The following TCEA1 variants were observed in gnomAD, a reference collection of about 807,000 sequenced individuals.
The protein encoded by TCEA1 is transcription elongation factor A1.
Under a neutral mutation model 43.8 loss-of-function variants are expected in TCEA1, and 21 were observed. The ratio of observed to expected loss-of-function variants is 0.48; its 90% CI spans 0.34 to 0.69. TCEA1 has a LOEUF of 0.69. Ranked by LOEUF, TCEA1 falls within the 30% of genes least tolerant of loss-of-function variation. TCEA1 has a pLI of 0.01. For missense variants in TCEA1, 250 were observed against 365.1 expected (o/e 0.68, Z 2.57); for synonymous variants, 104 against 117.5 (o/e 0.88, Z 0.75).
rs1047179936 is a variant in TCEA1, at chr8:53,987,023, C to A, written c.469G>T (p.Asp157Tyr). The change falls in exon 6 of 10, where the codon GAC (aspartate) becomes TAC (tyrosine). Residue 157 changes from aspartate to tyrosine, a missense_variant and splice_region_variant. Asp to Tyr is a radical substitution (Grantham distance 160). Coordinates refer to ENST00000521604, the MANE Select transcript of TCEA1 (RefSeq NM_006756.4). ...TCATCAGCTCCAATTGCAATGTAGT[C>A]ATCTAAAAATAGGCATAAAGAATTG... is the stretch of plus-strand genomic sequence containing the variant. ...MLAAALRTGD[D>Y]YIAIGADEEE... is the part of the protein sequence containing the mutation. 1.9e-6 allele frequency: 3 copies of A among 1,594,916 alleles called. No homozygotes were observed. The highest frequency in any genetic ancestry group is 1.7e-6 in the Non-Finnish European group (2 of 1,171,676).
At chr8:53,984,693 C>A (rs1197603656) in intron 6 of TCEA1, among the ~76,000 whole-genome samples, 176 bp from the exon 7 acceptor site, 1 of 151,866 alleles carries the variant, frequency 6.6e-6, no homozygotes, top group African/African-American at 2.4e-5. Context: ...ACCATCCCGG[C>A]TAACATGATG....
Position 53,970,571 on chromosome 8 carries a change from A to C in TCEA1, c.826-108T>G. ...ATTTAATAAATATAATGGTACCACA[A>C]TAAAATGAATAGAAGTCTGAAACAA... On this transcript the variant is annotated intron_variant, in intron 8 of 9. Transcript: ENST00000521604. 1.0e-5 allele frequency: 6 copies of C among 594,508 alleles called. No individual in the cohort carries two copies. In the South Asian group the frequency reaches 1.5e-4, roughly 15 times the overall value. 36.8% of individuals were successfully genotyped at this position (594,508 alleles called of 1,614,324 possible).
intron 1 of TCEA1, among the ~76,000 whole-genome samples, chr8:54,019,193 A>G (rs1483091208): frequency 1.3e-5 from 2 of 152,244 alleles, no homozygotes; most frequent in Non-Finnish European, 2.9e-5. Flanking sequence ...GTAAAGCAGC[A>G]GCATGTTAAA....
At chr8:54,021,872 C>A in intron 1 of TCEA1, 191 bp downstream of exon 1, 1 of 434,560 alleles carries the variant, frequency 2.3e-6, no homozygotes, top group Non-Finnish European at 4.0e-6. Context: ...GCGAGCGGGT[C>A]CTAACGCAGG....
At chr8:53,995,294 CAAAAAAAAAAAAAAA>C (rs925755044) in intron 3 of TCEA1, among the ~76,000 whole-genome samples, 1 of 57,932 alleles carries the variant, frequency 1.7e-5, no homozygotes. Flanking sequence ...GACTCTGTCT[CAAAAAAAAAAAAAAA>C]AAAAAAGAAA....
At chr8:54,013,080 A>G (rs965533071) in intron 1 of TCEA1, among the ~76,000 whole-genome samples, 1 of 152,172 alleles carries the variant, frequency 6.6e-6, no homozygotes, top group Non-Finnish European at 1.5e-5. Flanking sequence ...ATCTCTTAAT[A>G]AGGGTAAAGA....
rs1357483519 is a variant in TCEA1, at chr8:53,967,767, C to T, written c.*337G>A. 7.6e-6 allele frequency: 2 copies of T among 262,138 alleles called. No homozygotes were observed. Among genetic ancestry groups the T allele is most frequent in the African/African-American group, 2.2e-5 (1 of 46,148 alleles). The allele number at this position is 262,138 out of a possible 1,614,324, so 16.2% of individuals were successfully genotyped here. A position where few individuals can be genotyped will look rare whatever the true frequency, so the allele number is the denominator to read the frequency against. ...TTAATAACAGAGAGTAACAGAATTTCTACTGTGTATGTTTCACAGTGTAAA... is the reference window on the plus strand; with the variant it reads ...TTAATAACAGAGAGTAACAGAATTTTTACTGTGTATGTTTCACAGTGTAAA... On this transcript the variant is annotated 3_prime_UTR_variant, in exon 10 of 10. Transcript: ENST00000521604.
At chr8:54,015,496 A>C (rs1198996735) in intron 1 of TCEA1, among the ~76,000 whole-genome samples, 1 of 152,182 alleles carries the variant, frequency 6.6e-6, no homozygotes, top group Non-Finnish European at 1.5e-5. Flanking sequence ...ACAATGAATT[A>C]TAGATATTTG....
chr8:53,984,029 G>A (rs1183729888), intron 7 of TCEA1, among the ~76,000 whole-genome samples: 2 of 152,208 alleles, frequency 1.3e-5, no homozygotes, highest in Admixed American at 1.3e-4. Context: ...GAACCCAGGA[G>A]GGGGAGGTTG....
chr8:53,987,395 G>A (rs1432757891), intron 5 of TCEA1, among the ~76,000 whole-genome samples: 3 of 152,186 alleles, frequency 2.0e-5, no homozygotes, highest in Non-Finnish European at 4.4e-5. Flanking sequence ...AAATCATTTA[G>A]TTAATCTGCC....
chr8:53,970,156 A>C, intron 9 of TCEA1: 2 of 530,916 alleles, frequency 3.8e-6, no homozygotes, highest in South Asian at 4.8e-5. Flanking sequence ...GTTAAGATTC[A>C]CTCCCCATTT....
chr8:53,993,856 A>C (rs1342101334), intron 3 of TCEA1, 101 bp from the exon 4 acceptor site: 2 of 903,060 alleles, frequency 2.2e-6, no homozygotes, highest in Non-Finnish European at 3.5e-6. Context: ...TAAAATCCTA[A>C]GTTTCCTACA....
chr8:53,998,242 G>C (rs1804130436), intron 3 of TCEA1, among the ~76,000 whole-genome samples: 1 of 152,182 alleles, frequency 6.6e-6, no homozygotes, highest in Admixed American at 6.5e-5. Flanking sequence ...TCTGTAGACT[G>C]TATCACTGTC....
At chr8:54,014,125 A>G (rs905357252) in intron 1 of TCEA1, among the ~76,000 whole-genome samples, 2 of 152,208 alleles carry the variant, frequency 1.3e-5, no homozygotes, top group African/African-American at 2.4e-5. Context: ...ACTTAAACCC[A>G]GAAAAGAAAA....
intron 3 of TCEA1, among the ~76,000 whole-genome samples, chr8:53,996,975 G>A (rs1396731472): frequency 4.7e-5 from 7 of 148,830 alleles, no homozygotes; most frequent in African/African-American, 1.8e-4. Context: ...TCTCGGCTCA[G>A]TGCAAGCTCC....
intron 2 of TCEA1, 75 bp from the exon 3 acceptor site, chr8:54,000,125 T>G: frequency 1.1e-6 from 1 of 897,632 alleles, no homozygotes. Context: ...TACATTCTTT[T>G]CTTTCCCAGA....
intron 1 of TCEA1, among the ~76,000 whole-genome samples, chr8:54,012,515 C>T (rs978125552): frequency 2.6e-5 from 4 of 152,046 alleles, no homozygotes; most frequent in African/African-American, 7.2e-5. Flanking sequence ...GCCGAGATCG[C>T]GCCACTGCAC....
intron 7 of TCEA1, among the ~76,000 whole-genome samples, chr8:53,980,348 T>C (rs554887997): frequency 4.5e-4 from 68 of 152,378 alleles, no homozygotes; most frequent in African/African-American, 1.6e-3. Flanking sequence ...CTCTGCGCTA[T>C]TGTGCTTCAT....
intron 8 of TCEA1, among the ~76,000 whole-genome samples, chr8:53,976,142 G>A (rs1202650165): frequency 6.6e-6 from 1 of 152,120 alleles, no homozygotes; most frequent in Non-Finnish European, 1.5e-5. Flanking sequence ...TAATGTTGCA[G>A]TTAGAATAAG....
Sources: gnomAD v4.1 joint callset for allele counts (sites outside exome capture counted in the v4.1 genomes callset) on GRCh38, gnomAD v4.1.1 for gene constraint, MANE v1.5 for transcripts, NCBI Gene and HGNC (gene_info 2026-07-23, HGNC 2026-07-21) for gene names.